The following CABLES1 variants were observed in gnomAD, a reference collection of about 807,000 sequenced individuals.
CABLES1 encodes the protein Cdk5 and Abl enzyme substrate 1.
CABLES1 carries 36 observed loss-of-function variants against 57.8 expected under a neutral mutation model. The ratio of observed to expected loss-of-function variants is 0.62; its 90% CI spans 0.48 to 0.82. The LOEUF (loss-of-function observed/expected upper bound fraction) is 0.82, where lower values mean the gene tolerates loss of function less well. Ranked by LOEUF, CABLES1 falls within the 40% of genes least tolerant of loss-of-function variation. CABLES1 has a pLI of 0.00. For synonymous variants in CABLES1, 374 were observed against 363.0 expected, an observed-to-expected ratio of 1.03 and a Z score of -0.35; for missense variants, 767 against 836.6, an observed-to-expected ratio of 0.92 and a Z score of 1.03.
chr18:23,191,815 C>T (rs558544200), intron 2 of CABLES1, among the ~76,000 whole-genome samples: 2 of 150,258 alleles, frequency 1.3e-5, no homozygotes, highest in East Asian at 2.0e-4. Flanking sequence ...CCAACCTGAG[C>T]GCCCGGTATT....
In CABLES1 at chr18:23,156,756, A is replaced by AACAC. The variant is rs373998034; in HGVS notation, c.845+20151_845+20154dup. 3.4e-3 allele frequency among the ~76,000 whole-genome samples: 521 copies of AACAC among 152,304 alleles called. 1 individual carries two copies. The highest frequency in any genetic ancestry group is 0.012 in the African/African-American group (486 of 41,550). ...GACTCTTCATTGACAGCGGCATTGT[A>AACAC]ACACATTCCTGAATAAGGCTTCTTG... On this transcript the variant is annotated intron_variant, in intron 1 of 9. Transcript: ENST00000256925.
At chr18:23,206,011 C>T (rs2047360548) in intron 3 of CABLES1, among the ~76,000 whole-genome samples, 1 of 152,154 alleles carries the variant, frequency 6.6e-6, no homozygotes, top group South Asian at 2.1e-4. Flanking sequence ...GGAGCATGGG[C>T]CTGCTGACAC....
At chr18:23,181,709 G>A (rs1262513294) in intron 1 of CABLES1, among the ~76,000 whole-genome samples, 3 of 152,084 alleles carry the variant, frequency 2.0e-5, no homozygotes, top group Non-Finnish European at 2.9e-5. Flanking sequence ...GAACACACAG[G>A]CTGTGACAGC....
chr18:23,146,212 C>G (rs1323204246), intron 1 of CABLES1, among the ~76,000 whole-genome samples: 1 of 152,114 alleles, frequency 6.6e-6, no homozygotes, highest in Non-Finnish European at 1.5e-5. Flanking sequence ...ATGTAAGGAG[C>G]TGGAAGATAT....
intron 5 of CABLES1, 65 bp downstream of exon 5, chr18:23,234,769 G>C (rs983789389): frequency 1.5e-6 from 2 of 1,315,546 alleles, no homozygotes; most frequent in African/African-American, 2.9e-5. Context: ...AAGCAGAGGA[G>C]GGGGGCAGCC....
rs186986165 is a variant in CABLES1 at position 23,241,357 on chromosome 18, T to A, written c.1446+4112T>A. Among the ~76,000 whole-genome samples the A allele has an allele frequency of 5.5e-3, 831 of 151,998 alleles. 3 individuals are homozygous for A. The highest frequency in any genetic ancestry group is 0.019 in the African/African-American group (788 of 41,428). On this transcript the variant is annotated intron_variant, in intron 7 of 9. Coordinates refer to ENST00000256925, the MANE Select transcript of CABLES1 (RefSeq NM_001100619.3). The stretch of plus-strand genomic sequence containing the variant: ...ACCAGCCTGGCTAACGTGATGAAAC[T>A]CTGTCTCTACTAAAAATACAAAAAT...
intron 1 of CABLES1, among the ~76,000 whole-genome samples, chr18:23,187,733 A>C (rs1481459104): frequency 6.6e-6 from 1 of 152,174 alleles, no homozygotes; most frequent in Non-Finnish European, 1.5e-5. Flanking sequence ...AAATTATGAA[A>C]GGTGGAAAAT....
chr18:23,227,597 C>A (rs2047537295), intron 4 of CABLES1, among the ~76,000 whole-genome samples: 1 of 152,136 alleles, frequency 6.6e-6, no homozygotes, highest in Non-Finnish European at 1.5e-5. Context: ...TGTCTCTGAA[C>A]TCTGGAGGCA....
At chr18:23,177,270 C>T (rs988854022) in intron 1 of CABLES1, among the ~76,000 whole-genome samples, 6 of 152,114 alleles carry the variant, frequency 3.9e-5, no homozygotes, top group East Asian at 1.9e-4. Flanking sequence ...GTCTCAGGAA[C>T]GAGTTCTGCT....
At chr18:23,170,819 CAG>C (rs1289777110) in intron 1 of CABLES1, among the ~76,000 whole-genome samples, 1 of 152,180 alleles carries the variant, frequency 6.6e-6, no homozygotes, top group East Asian at 1.9e-4. Flanking sequence ...GTTTTTGAGA[CAG>C]AGGCTTGCTC....
At chr18:23,249,761 C>T (rs938227488) in intron 7 of CABLES1, among the ~76,000 whole-genome samples, 7 of 152,244 alleles carry the variant, frequency 4.6e-5, no homozygotes, top group Non-Finnish European at 7.4e-5. Context: ...CCCCCGCCCC[C>T]GACAGCCCTT....
intron 4 of CABLES1, among the ~76,000 whole-genome samples, chr18:23,231,264 A>G (rs1440051310): frequency 6.6e-6 from 1 of 152,248 alleles, no homozygotes; most frequent in Non-Finnish European, 1.5e-5. Flanking sequence ...CACTAGCCAC[A>G]TGTGGCAATT....
In CABLES1 at chr18:23,136,242, CG is replaced by C; in HGVS notation, c.484del (p.Val162TrpfsTer177). 2.3e-6 allele frequency: 3 copies of C among 1,299,706 alleles called. No homozygotes were observed. Among genetic ancestry groups the C allele is most frequent in the Non-Finnish European group, 9.7e-7 (1 of 1,029,832 alleles). The allele number at this position is 1,299,706 out of a possible 1,614,324, so 80.5% of individuals were successfully genotyped here. A position where few individuals can be genotyped will look rare whatever the true frequency, so the allele number is the denominator to read the frequency against. On this transcript the variant is annotated frameshift_variant, in exon 1 of 10. Coordinates refer to ENST00000256925, the MANE Select transcript of CABLES1 (RefSeq NM_001100619.3). LOFTEE classifies it high-confidence loss of function. ...PGGHATVSGP[G>X]VARGFASPLG... ...GCGGCCATGCGACCGTGTCCGGCCC[CG>C]GGGTGGCGCGGGGGTTCGCGAGTCC...
At position 23,228,883 on chromosome 18, in the gene CABLES1, C is replaced by T. The variant is rs115773758; in HGVS notation, c.1089-5725C>T. ...CTAGGTACATGTGGCTAAGCTGCAG[C>T]GCTACCCAGGACTGTAGAGAGAAGG... On this transcript the variant is annotated intron_variant, in intron 4 of 9. Coordinates refer to ENST00000256925, the MANE Select transcript of CABLES1 (RefSeq NM_001100619.3). Among the ~76,000 whole-genome samples the T allele has an allele frequency of 7.7e-3, 1,174 of 152,172 alleles. 11 individuals carry two copies. The highest frequency in any genetic ancestry group is 0.027 in the African/African-American group (1,115 of 41,492).
intron 8 of CABLES1, 92 bp from the exon 9 acceptor site, chr18:23,253,633 GAGAA>G (rs1346213564): frequency 5.8e-6 from 6 of 1,032,092 alleles, no homozygotes; most frequent in South Asian, 1.5e-5. Context: ...CTCTGGGAAA[GAGAA>G]AGAGAAAAAG....
chr18:23,172,135 G>T (rs1054415693), intron 1 of CABLES1, among the ~76,000 whole-genome samples: 1 of 152,148 alleles, frequency 6.6e-6, no homozygotes, highest in African/African-American at 2.4e-5. Flanking sequence ...TGTTGCCCAG[G>T]CTGGAACATT....
intron 8 of CABLES1, 133 bp from the exon 9 acceptor site, chr18:23,253,596 A>G: frequency 2.7e-6 from 2 of 735,178 alleles, no homozygotes; most frequent in Non-Finnish European, 4.5e-6. Context: ...TCACACTCCC[A>G]GGGACTTAAT....
chr18:23,166,581 A>G (rs1290573630), intron 1 of CABLES1, among the ~76,000 whole-genome samples: 1 of 152,216 alleles, frequency 6.6e-6, no homozygotes, highest in Non-Finnish European at 1.5e-5. Context: ...TAGGAAAAAT[A>G]ACAGAGAAAT....
At chr18:23,196,020 T>C (rs2145027989) in intron 3 of CABLES1, among the ~76,000 whole-genome samples, 1 of 152,336 alleles carries the variant, frequency 6.6e-6, no homozygotes, top group African/African-American at 2.4e-5. Flanking sequence ...CCACCTCTGA[T>C]GCTAGCTGGC....
Sources: allele counts gnomAD v4.1 joint callset (sites outside exome capture counted in the v4.1 genomes callset), GRCh38; gene constraint gnomAD v4.1.1; transcripts MANE v1.5; gene names NCBI Gene and HGNC (gene_info 2026-07-23, HGNC 2026-07-21).